The following NRG3 variants were observed in gnomAD, a reference collection of about 807,000 sequenced individuals.
NRG3 encodes the protein pro-neuregulin-3, membrane-bound isoform.
In NRG3, 31 loss-of-function variants were observed where a neutral mutation model predicts 66.9. The ratio of observed to expected loss-of-function variants is 0.46; its 90% CI spans 0.35 to 0.63. The LOEUF (loss-of-function observed/expected upper bound fraction) is 0.63. Among genes scored for constraint, NRG3 ranks in the 20% least tolerant of loss-of-function variants. The pLI is 0.00. For synonymous variants in NRG3, 393 were observed against 359.4 expected (o/e 1.09, Z -1.06); for missense variants, 910 against 878.9 (o/e 1.04, Z -0.45).
rs111400693 is a variant in NRG3, at chr10:82,957,397, C to T, written c.1158-1552C>T. Among the ~76,000 whole-genome samples the T allele has an allele frequency of 1.9e-3, 293 of 151,866 alleles. 4 individuals carry two copies. Among genetic ancestry groups the T allele is most frequent in the African/African-American group, 6.9e-3 (284 of 41,182 alleles). On this transcript the variant is annotated intron_variant, in intron 5 of 8. Transcript: ENST00000372141. ...TCATTGCTAAGACCGGCCATGTGCTCCACTGACGGCACTATCTTTGTCAGA... is the reference window on the plus strand; with the variant it reads ...TCATTGCTAAGACCGGCCATGTGCTTCACTGACGGCACTATCTTTGTCAGA...
At chr10:82,051,261 A>T (rs1473083986) in intron 1 of NRG3, among the ~76,000 whole-genome samples, 1 of 152,156 alleles carries the variant, frequency 6.6e-6, no homozygotes, top group Non-Finnish European at 1.5e-5. Flanking sequence ...GAGTGGTCAA[A>T]AGAGCAGTGG....
In NRG3 at chr10:81,875,978, C is replaced by G; in HGVS notation, c.638C>G (p.Pro213Arg). Residue 213 changes from proline to arginine, a missense_variant, in exon 1 of 9, where the codon CCA becomes CGA. Physicochemically the swap from Pro to Arg is moderately radical, Grantham distance 103 (BLOSUM62 -2). Coordinates refer to ENST00000372141, the MANE Select transcript of NRG3 (RefSeq NM_001010848.4). The surrounding 1 kb of genome is among the most constrained non-coding windows in gnomAD (Gnocchi z 5.3). ...ACGCTGGGCTCCCGACCCCCGGTGC[C>G]AGGAACTCCAAGTACCCAGGCAATG... ...SSTLGSRPPV[P>R]GTPSTQAMPS... 6.2e-7 allele frequency: 1 copy of G among 1,614,070 alleles called. No homozygotes were observed. The highest frequency in any genetic ancestry group is 8.5e-7 in the Non-Finnish European group (1 of 1,180,032).
chr10:82,810,552 C>T (rs2061449023), intron 3 of NRG3, among the ~76,000 whole-genome samples: 2 of 151,930 alleles, frequency 1.3e-5, no homozygotes, highest in Admixed American at 1.3e-4. Context: ...CACCTGATGT[C>T]AGGAGTTTGA....
intron 1 of NRG3, among the ~76,000 whole-genome samples, chr10:81,906,545 T>C (rs1055845872): frequency 6.6e-6 from 1 of 152,118 alleles, no homozygotes; most frequent in African/African-American, 2.4e-5. Context: ...GGGAGTATGT[T>C]TGTCCTGTGC....
intron 2 of NRG3, among the ~76,000 whole-genome samples, chr10:82,595,469 G>T (rs1159929858): frequency 6.6e-6 from 1 of 152,154 alleles, no homozygotes; most frequent in Non-Finnish European, 1.5e-5. Context: ...TTATAAAACA[G>T]AGTTGCACAA....
intron 1 of NRG3, among the ~76,000 whole-genome samples, chr10:82,171,777 C>T (rs602283): frequency 0.074 from 11,232 of 152,080 alleles, 526 homozygotes; most frequent in South Asian, 0.17. Flanking sequence ...ACTGCATCCA[C>T]GTTTCATGTA....
chr10:82,168,899 C>T (rs2072326891), intron 1 of NRG3, among the ~76,000 whole-genome samples: 1 of 152,090 alleles, frequency 6.6e-6, no homozygotes, highest in African/African-American at 2.4e-5. Context: ...AAACTGTTCA[C>T]CTTTCTCTGG....
chr10:81,942,696 C>T (rs1437396878), intron 1 of NRG3, among the ~76,000 whole-genome samples: 1 of 152,140 alleles, frequency 6.6e-6, no homozygotes, highest in Non-Finnish European at 1.5e-5. Flanking sequence ...ATTTCTCATG[C>T]AATTTCCAAT....
intron 1 of NRG3, among the ~76,000 whole-genome samples, chr10:82,286,288 T>G (rs1468525439): frequency 7.9e-5 from 12 of 152,154 alleles, no homozygotes; most frequent in Admixed American, 7.9e-4. Flanking sequence ...CAACTATAGA[T>G]TATTAGTTAC....
intron 2 of NRG3, among the ~76,000 whole-genome samples, chr10:82,371,957 A>C (rs927294933): frequency 2.0e-5 from 3 of 152,130 alleles, no homozygotes; most frequent in Non-Finnish European, 4.4e-5. Context: ...CCCTCCTCCC[A>C]ACACCCCCAC....
At chr10:82,088,836 A>G (rs1341396914) in intron 1 of NRG3, among the ~76,000 whole-genome samples, 1 of 152,074 alleles carries the variant, frequency 6.6e-6, no homozygotes, top group Non-Finnish European at 1.5e-5. Flanking sequence ...CATAAACAAA[A>G]TTTACGTTTT....
rs191961151 is a variant in NRG3, at chr10:82,953,323, G to A, written c.1157+1752G>A. On this transcript the variant is annotated intron_variant, in intron 5 of 8. Coordinates refer to ENST00000372141, the MANE Select transcript of NRG3 (RefSeq NM_001010848.4). ...GTTTATTTTTCAAAGTCATAAAGAA[G>A]AAAATGACAGATAGGTTCTTTAATT... 5.3e-5 allele frequency among the ~76,000 whole-genome samples: 8 copies of A among 152,094 alleles called. No homozygotes were observed. In the East Asian group the frequency reaches 1.5e-3, roughly 29 times the overall value.
In NRG3 at chr10:82,149,901, A is replaced by G. The variant is rs185462465; in HGVS notation, c.824-208838A>G. ...AGTTTTCTTGGGGTGGATCTAGACT[A>G]GAATAGAATAGAATAAGCCGACCTT... On this transcript the variant is annotated intron_variant, in intron 1 of 8. Transcript: ENST00000372141. 5.9e-5 allele frequency among the ~76,000 whole-genome samples: 9 copies of G among 152,274 alleles called. No individual in the cohort carries two copies. In the East Asian group the frequency reaches 1.7e-3, roughly 29 times the overall value.
intron 3 of NRG3, among the ~76,000 whole-genome samples, chr10:82,769,165 A>T (rs904149799): frequency 2.6e-4 from 40 of 152,222 alleles, no homozygotes; most frequent in African/African-American, 8.7e-4. Context: ...TTACCAACCT[A>T]TATGTTTTTG....
intron 2 of NRG3, among the ~76,000 whole-genome samples, chr10:82,529,046 G>A (rs1022361189): frequency 2.0e-5 from 3 of 152,186 alleles, no homozygotes; most frequent in Non-Finnish European, 4.4e-5. Context: ...TTGACTTTTA[G>A]CTTCCAATAT....
At position 82,738,584 on chromosome 10, in the gene NRG3, G is replaced by C. The variant is rs754912235; in HGVS notation, c.961G>C (p.Glu321Gln). 8.7e-6 allele frequency: 14 copies of C among 1,614,056 alleles called. No homozygotes were observed. The highest frequency in any genetic ancestry group is 1.2e-5 in the Non-Finnish European group (14 of 1,179,916). Residue 321 changes from glutamate to glutamine, a missense_variant, in exon 3 of 9, where the codon GAA becomes CAA. Glu to Gln is a conservative substitution (Grantham distance 29). Coordinates refer to ENST00000372141, the MANE Select transcript of NRG3 (RefSeq NM_001010848.4). ...TTTATCCCCTTTTCTCAGGTGCAAAGAAGGCTACCAAGGAGTCCGTTGTGA... is the reference window on the plus strand; with the variant it reads ...TTTATCCCCTTTTCTCAGGTGCAAACAAGGCTACCAAGGAGTCCGTTGTGA... ...TGSHKHCRCK[E>Q]GYQGVRCDQF...
chr10:82,070,865 C>G (rs971492708), intron 1 of NRG3, among the ~76,000 whole-genome samples: 1 of 152,164 alleles, frequency 6.6e-6, no homozygotes, highest in African/African-American at 2.4e-5. Flanking sequence ...GCACAACTTT[C>G]CTTATTGGCA....
chr10:81,935,463 G>T (rs1847769002), intron 1 of NRG3, among the ~76,000 whole-genome samples: 1 of 152,136 alleles, frequency 6.6e-6, no homozygotes. Flanking sequence ...ATAGGTTTTA[G>T]TAGCTGAGAA....
chr10:82,177,353 G>T (rs2073109577), intron 1 of NRG3, among the ~76,000 whole-genome samples: 3 of 151,952 alleles, frequency 2.0e-5, no homozygotes, highest in African/African-American at 7.3e-5. Flanking sequence ...ATAGGAAAAG[G>T]TTACCTATGA....
Sources: gnomAD v4.1 joint callset for allele counts (sites outside exome capture counted in the v4.1 genomes callset) on GRCh38, gnomAD v4.1.1 for gene constraint, Gnocchi (gnomAD v3.1) non-coding constraint, MANE v1.5 for transcripts, NCBI Gene and HGNC (gene_info 2026-07-23, HGNC 2026-07-21) for gene names.